MYOM1: variants seen among roughly 807,000 people sequenced by gnomAD.
MYOM1 encodes myomesin-1.
In MYOM1, 164 loss-of-function variants were observed where a neutral mutation model predicts 205.3. The ratio of observed to expected loss-of-function variants is 0.80; its 90% CI spans 0.70 to 0.91. The LOEUF is 0.91. Among genes scored for constraint, MYOM1 ranks in the 40% least tolerant of loss-of-function variants. MYOM1 has a pLI of 0.00. For missense variants in MYOM1, 2,011 were observed against 2,127.3 expected (o/e 0.95, Z 1.08); for synonymous variants, 772 against 789.4 (o/e 0.98, Z 0.37).
rs768555182 is a variant in MYOM1, at chr18:3,072,370, T to TTTTTTTTTTTTG, written c.4709-482_4709-481insCAAAAAAAAAAA. Among the ~76,000 whole-genome samples the TTTTTTTTTTTTG allele has an allele frequency of 1.6e-3, 186 of 115,972 alleles. 5 individuals carry two copies. Among genetic ancestry groups the TTTTTTTTTTTTG allele is most frequent in the South Asian group, 4.2e-3 (15 of 3,544 alleles). The allele number at this position is 115,972 out of a possible 152,430, so 76.1% of individuals were successfully genotyped here. A position where few individuals can be genotyped will look rare whatever the true frequency, so the allele number is the denominator to read the frequency against. Reference sequence around the variant, plus strand: ...CCCGGCTTTTTTTTTTTTTTTTTTTTTGAGGCAGAGTCTCGCTCTGTCACC... The same window carrying TTTTTTTTTTTTG: ...CCCGGCTTTTTTTTTTTTTTTTTTTTTTTTTTTTTTTGTGAGGCAGAGTCTCGCTCTGTCACC... On this transcript the variant is annotated intron_variant, in intron 36 of 37. Transcript: ENST00000356443.
chr18:3,148,279 T>C (rs1203171092), intron 13 of MYOM1, among the ~76,000 whole-genome samples: 5 of 152,186 alleles, frequency 3.3e-5, no homozygotes, highest in African/African-American at 9.7e-5. Context: ...CAGAAACAGT[T>C]AAGAATGTTC....
rs2079924090 is a variant in MYOM1 at position 3,134,521 on chromosome 18, G to GT, written c.2384+128dup. ...CTCCGAAAGTGCTAGGATTACAGGT[G>GT]TAAGCCACCACATCCAGCCAAAAAG... On this transcript the variant is annotated intron_variant, in intron 16 of 37. Transcript: ENST00000356443. 2.9e-6 allele frequency: 3 copies of GT among 1,017,452 alleles called. No homozygotes were observed. In the South Asian group the frequency reaches 6.5e-5, roughly 22 times the overall value. The allele number at this position is 1,017,452 out of a possible 1,614,324, so 63.0% of individuals were successfully genotyped here.
intron 9 of MYOM1, among the ~76,000 whole-genome samples, chr18:3,167,406 T>G (rs1431942407): frequency 6.6e-6 from 1 of 152,226 alleles, no homozygotes. Context: ...TGTTTTGAGA[T>G]GGAGTCCCGC....
the MYOM1 span, chr18:3,246,780 G>A: frequency 2.0e-5 from 3 of 152,256 alleles, no homozygotes; most frequent in African/African-American, 7.2e-5. Flanking sequence ...CCTAGTGCTG[G>A]GATGACGGCT....
At chr18:3,206,296 T>C (rs1275398916) in intron 2 of MYOM1, among the ~76,000 whole-genome samples, 2 of 152,230 alleles carry the variant, frequency 1.3e-5, no homozygotes, top group Non-Finnish European at 2.9e-5. Flanking sequence ...TCTTTACATA[T>C]ATTTACAGCT....
At chr18:3,151,995 A>G (rs1373832092) in intron 11 of MYOM1, 102 bp from the exon 12 acceptor site, 9 of 1,249,074 alleles carry the variant, frequency 7.2e-6, no homozygotes, top group East Asian at 2.6e-5. Context: ...TCTTCTCCCT[A>G]TAAAATATCC....
chr18:3,124,592 G>A (rs1361474894), intron 19 of MYOM1, among the ~76,000 whole-genome samples: 2 of 151,848 alleles, frequency 1.3e-5, no homozygotes, highest in African/African-American at 4.8e-5. Context: ...GCCTCCCAAA[G>A]TGCTGGGATT....
chr18:3,172,290 C>A (rs533300261), intron 8 of MYOM1, among the ~76,000 whole-genome samples: 1 of 152,110 alleles, frequency 6.6e-6, no homozygotes, highest in Non-Finnish European at 1.5e-5. Flanking sequence ...GCATTCAATT[C>A]GGGGGTCATC....
At chr18:3,172,840 A>G (rs1001632490) in intron 8 of MYOM1, among the ~76,000 whole-genome samples, 1 of 152,200 alleles carries the variant, frequency 6.6e-6, no homozygotes, top group Admixed American at 6.5e-5. Context: ...ATAAATCAAG[A>G]GATGGGAGAA....
Position 3,164,357 on chromosome 18 carries a change from T to C in MYOM1, c.1422A>G (p.Lys474=), listed in dbSNP as rs762032424. ...GGATTGTATAGAGGCCTTCATCTTC[T>C]TTGTTGAGATGGGAAAATGTCAGCG... The part of the protein sequence containing the change: ...RATLTFSHLN[K]EDEGLYTIRV... The change falls in exon 10 of 38, where the codon AAA becomes AAG. Residue 474 remains lysine (K), a synonymous_variant. Transcript: ENST00000356443. 6.2e-7 allele frequency: 1 copy of C among 1,612,150 alleles called. No homozygotes were observed.
At chr18:3,187,670 C>T (rs766087758) in intron 4 of MYOM1, 33 bp from the exon 5 acceptor site, 19 of 1,523,912 alleles carry the variant, frequency 1.2e-5, no homozygotes, top group Non-Finnish European at 1.7e-5. Flanking sequence ...AAACATATTA[C>T]CAAAATACCA....
At position 3,102,511 on chromosome 18, in the gene MYOM1, C is replaced by T. The variant is rs1598671738; in HGVS notation, c.3538G>A (p.Asp1180Asn). ...SWSKDYVSTEDSPRLEVESKG... is the reference protein window; with the variant it reads ...SWSKDYVSTENSPRLEVESKG... ...CTTTCGACTTCCAATCGTGGAGAGT[C>T]CTCAGTGGATACATAATCTTTGGAC... The change falls in exon 23 of 38, where the codon GAC becomes AAC. Residue 1180 changes from aspartate (D) to asparagine (N), a missense_variant. By Grantham distance (23) the Asp-to-Asn change is conservative (BLOSUM62 1). Transcript: ENST00000356443. The T allele has an allele frequency of 6.2e-7, 1 of 1,613,764 alleles. No homozygotes were observed.
rs1191646290 is a variant in MYOM1 at position 3,188,745 on chromosome 18, T to C, written c.771+3A>G. Reference sequence around the variant, plus strand: ...TAAGTTACTTTAAACTGTCTTTTCTTACTGTTTTCCTCAGGGACAGGCGTT... The same window carrying C: ...TAAGTTACTTTAAACTGTCTTTTCTCACTGTTTTCCTCAGGGACAGGCGTT... On this transcript the variant is annotated splice_donor_region_variant and intron_variant, in intron 4 of 37. Transcript: ENST00000356443. 1 of 1,562,412 alleles carries C rather than the reference T, an allele frequency of 6.4e-7. No individual in the cohort carries two copies. Among genetic ancestry groups the C allele is most frequent in the African/African-American group, 1.4e-5 (1 of 73,532 alleles).
At chr18:3,144,299 A>G (rs1307910943) in intron 13 of MYOM1, among the ~76,000 whole-genome samples, 1 of 152,196 alleles carries the variant, frequency 6.6e-6, no homozygotes, top group Non-Finnish European at 1.5e-5. Flanking sequence ...AAAGATGTAT[A>G]TTATAAATTC....
chr18:3,077,075 C>T (rs2079028258), intron 34 of MYOM1, among the ~76,000 whole-genome samples: 1 of 151,132 alleles, frequency 6.6e-6, no homozygotes, highest in Non-Finnish European at 1.5e-5. Flanking sequence ...TGCAGTAGTG[C>T]AATCATAGCT....
At chr18:3,081,830 C>T (rs911266092) in intron 33 of MYOM1, among the ~76,000 whole-genome samples, 8 of 152,140 alleles carry the variant, frequency 5.3e-5, no homozygotes, top group African/African-American at 1.7e-4. Flanking sequence ...ATAATACTAA[C>T]GAAAACACTG....
At chr18:3,137,062 T>C (rs1005753324) in intron 14 of MYOM1, among the ~76,000 whole-genome samples, 3 of 151,876 alleles carry the variant, frequency 2.0e-5, no homozygotes, top group South Asian at 2.1e-4. Flanking sequence ...GCCATTCTCC[T>C]GCCTCAGCCT....
Position 3,135,929 on chromosome 18 carries a change from C to T in MYOM1, c.2026-199G>A, listed in dbSNP as rs181789298. ...TCTAAATCAAACTTGGCTTTTGATACGGTTTGGCTGTGTCCCTGCCCAAAT... is the reference window on the plus strand; with the variant it reads ...TCTAAATCAAACTTGGCTTTTGATATGGTTTGGCTGTGTCCCTGCCCAAAT... On this transcript the variant is annotated intron_variant, in intron 14 of 37. Coordinates refer to ENST00000356443, the MANE Select transcript of MYOM1 (RefSeq NM_003803.4). This position sits in a 1 kb window ranked among gnomAD's most constrained non-coding sequence, Gnocchi z 4.1. Among the ~76,000 whole-genome samples, 21 of 152,254 alleles carry T rather than the reference C, an allele frequency of 1.4e-4. No individual in the cohort carries two copies. In the East Asian group the frequency reaches 1.9e-3, roughly 14 times the overall value.
chr18:3,142,812 A>G (rs1047258383), intron 13 of MYOM1, among the ~76,000 whole-genome samples: 3 of 152,184 alleles, frequency 2.0e-5, no homozygotes, highest in Non-Finnish European at 2.9e-5. Context: ...GATAGGCAGG[A>G]GCCAAGGTCC....
Sources: allele counts gnomAD v4.1 joint callset (sites outside exome capture counted in the v4.1 genomes callset), GRCh38; gene constraint gnomAD v4.1.1; non-coding constraint Gnocchi (gnomAD v3.1); transcripts MANE v1.5; gene names NCBI Gene and HGNC (gene_info 2026-07-23, HGNC 2026-07-21).